Variants in ME2 observed in about 807,000 individuals in gnomAD.
ME2 encodes NAD-dependent malic enzyme, mitochondrial.
In ME2, 60 loss-of-function variants were observed where a neutral mutation model predicts 73.7. The ratio of observed to expected loss-of-function variants is 0.81; its 90% confidence interval spans 0.66 to 1.01. ME2 has a LOEUF of 1.01. Among genes scored for constraint, ME2 ranks in the 50% least tolerant of loss-of-function variants. The probability of loss-of-function intolerance (pLI) is 0.00; values close to 1 mark genes in which losing one functional copy is unlikely to be tolerated. For missense variants in ME2, 594 were observed against 705.5 expected, an observed-to-expected ratio of 0.84 and a Z score of 1.79; for synonymous variants, 199 against 236.9, an observed-to-expected ratio of 0.84 and a Z score of 1.47.
intron 1 of ME2, among the ~76,000 whole-genome samples, chr18:50,887,689 G>A (rs1172464409): frequency 2.0e-5 from 3 of 152,156 alleles, no homozygotes; most frequent in South Asian, 2.1e-4. Context: ...ACTAGTTTTA[G>A]CTTGTAAACT....
At chr18:50,922,311 G>T (rs1302579766) in intron 10 of ME2, among the ~76,000 whole-genome samples, 1 of 152,144 alleles carries the variant, frequency 6.6e-6, no homozygotes, top group South Asian at 2.1e-4. Context: ...TACAAATGAA[G>T]AAACAGTTTA....
chr18:50,912,397 T>C (rs1445256831), intron 3 of ME2, among the ~76,000 whole-genome samples: 1 of 152,146 alleles, frequency 6.6e-6, no homozygotes, highest in East Asian at 1.9e-4. Context: ...GTGCCAGGCA[T>C]ATAGTGTTAA....
chr18:50,898,460 T>C (rs1916806024), intron 2 of ME2, among the ~76,000 whole-genome samples: 1 of 152,170 alleles, frequency 6.6e-6, no homozygotes, highest in Admixed American at 6.5e-5. Context: ...AGACAGGTTC[T>C]CACTCTGTTG....
intron 2 of ME2, among the ~76,000 whole-genome samples, chr18:50,906,709 TA>T (rs1400255413): frequency 6.6e-6 from 1 of 152,214 alleles, no homozygotes; most frequent in African/African-American, 2.4e-5. Flanking sequence ...GACAAAGACT[TA>T]AATGCTTGGA....
At position 50,886,102 on chromosome 18, in the gene ME2, C is replaced by T. The variant is rs188481360; in HGVS notation, c.-13+6794C>T. 3.5e-3 allele frequency among the ~76,000 whole-genome samples: 496 copies of T among 141,526 alleles called. 3 individuals carry two copies. Among genetic ancestry groups the T allele is most frequent in the African/African-American group, 0.011 (446 of 39,018 alleles). 92.8% of individuals were successfully genotyped at this position (141,526 alleles called of 152,430 possible). The stretch of plus-strand genomic sequence containing the variant: ...GAAGACAATTCATAAGTACACAATG[C>T]TGGTTCTATATATATGTGTGTGTGT... On this transcript the variant is annotated intron_variant, in intron 1 of 15. Coordinates refer to ENST00000321341, the MANE Select transcript of ME2 (RefSeq NM_002396.5).
intron 1 of ME2, among the ~76,000 whole-genome samples, chr18:50,886,937 G>A (rs1166502750): frequency 6.6e-6 from 1 of 152,002 alleles, no homozygotes; most frequent in African/African-American, 2.4e-5. Flanking sequence ...GGAGACGGAG[G>A]CTGCAGTGAG....
intron 3 of ME2, among the ~76,000 whole-genome samples, chr18:50,909,938 A>G (rs1011063975): frequency 6.6e-6 from 1 of 152,226 alleles, no homozygotes; most frequent in Non-Finnish European, 1.5e-5. Context: ...CGAAGCTGGA[A>G]TAAACATAAA....
intron 1 of ME2, among the ~76,000 whole-genome samples, chr18:50,889,903 G>C (rs979102604): frequency 1.3e-5 from 2 of 152,060 alleles, no homozygotes; most frequent in African/African-American, 4.8e-5. Flanking sequence ...GTTAGTTTAA[G>C]GTCAAAAAGA....
chr18:50,900,741 G>A (rs951548524), intron 2 of ME2, among the ~76,000 whole-genome samples: 1 of 152,112 alleles, frequency 6.6e-6, no homozygotes, highest in Non-Finnish European at 1.5e-5. Flanking sequence ...CCCCCATGCT[G>A]TTCTTGTGAT....
chr18:50,940,077 A>G, intron 14 of ME2: 4 of 534,400 alleles, frequency 7.5e-6, no homozygotes. Context: ...AATATAAAGC[A>G]GAATATAATC....
intron 1 of ME2, among the ~76,000 whole-genome samples, chr18:50,889,829 A>G (rs1235907797): frequency 6.6e-6 from 1 of 152,202 alleles, no homozygotes; most frequent in Admixed American, 6.5e-5. Context: ...ATATAATTTA[A>G]CATGCCCAAT....
chr18:50,915,907 C>A, intron 4 of ME2: 2 of 280,608 alleles, frequency 7.1e-6, no homozygotes, highest in East Asian at 7.2e-5. Context: ...TTTATTTGAA[C>A]ATGAGATGTG....
chr18:50,883,960 C>T (rs546887778), intron 1 of ME2, among the ~76,000 whole-genome samples: 47 of 152,312 alleles, frequency 3.1e-4, no homozygotes, highest in African/African-American at 1.1e-3. Context: ...TTTTACTTCA[C>T]TCACTCCTAT....
chr18:50,923,762 TA>T (rs1727178341), intron 10 of ME2, among the ~76,000 whole-genome samples: 1 of 152,108 alleles, frequency 6.6e-6, no homozygotes, highest in South Asian at 2.1e-4. Context: ...TTAAATTAAA[TA>T]TGAAAATTTC....
chr18:50,902,663 C>T (rs1393907423), intron 2 of ME2, among the ~76,000 whole-genome samples: 9 of 152,222 alleles, frequency 5.9e-5, no homozygotes, highest in Admixed American at 4.6e-4. Context: ...TCCCAAAGTG[C>T]TGGGATTACA....
At position 50,943,712 on chromosome 18, in the gene ME2, A is replaced by C. The variant is rs77402858; in HGVS notation, c.1588-3305A>C. The stretch of plus-strand genomic sequence containing the variant: ...GGGAATAATAGTTGAGCCTGGGGGA[A>C]CAGGTAGGGAAATGGCATGGAAGAA... On this transcript the variant is annotated intron_variant, in intron 15 of 15. Transcript: ENST00000321341. Among the ~76,000 whole-genome samples the C allele has an allele frequency of 5.4e-3, 823 of 152,284 alleles. 25 individuals are homozygous for C. In the East Asian group the frequency reaches 0.062, roughly 11 times the overall value.
In ME2 at chr18:50,947,077, G is replaced by GC; in HGVS notation, c.1650dup (p.Lys551GlnfsTer4). On this transcript the variant is annotated frameshift_variant, in exon 16 of 16. Transcript: ENST00000321341. LOFTEE classifies it high-confidence loss of function. ...CCGATACCCAGAACCTGAAGACAAG[G>GC]CCAAATATGTTAAAGAAAGAACATG... is the stretch of plus-strand genomic sequence containing the variant. 2 of 1,613,956 alleles carry GC rather than the reference G, an allele frequency of 1.2e-6. No homozygotes were observed. The highest frequency in any genetic ancestry group is 1.7e-6 in the Non-Finnish European group (2 of 1,179,936).
At position 50,952,864 on chromosome 18, in the gene ME2, C is replaced by A. The variant is rs902647809; in HGVS notation, c.*5680C>A. 5.9e-5 allele frequency: 9 copies of A among 152,156 alleles called. No homozygotes were observed. The highest frequency in any genetic ancestry group is 9.7e-5 in the African/African-American group (4 of 41,432). 9.4% of individuals were successfully genotyped at this position (152,156 alleles called of 1,614,324 possible). A position where few individuals can be genotyped will look rare whatever the true frequency, so the allele number is the denominator to read the frequency against. On this transcript the variant is annotated 3_prime_UTR_variant, in exon 16 of 16. Coordinates refer to ENST00000321341, the MANE Select transcript of ME2 (RefSeq NM_002396.5). The stretch of plus-strand genomic sequence containing the variant: ...TACCTACTCTATACCAGACACTGTT[C>A]TAAGGATCCGACATATTTAATCCTC...
At chr18:50,882,678 T>C (rs1916351996) in intron 1 of ME2, among the ~76,000 whole-genome samples, 1 of 152,092 alleles carries the variant, frequency 6.6e-6, no homozygotes, top group Admixed American at 6.6e-5. Flanking sequence ...GTCAGGCACA[T>C]TGGTTCATGT....
Sources: gnomAD v4.1 joint callset for allele counts (sites outside exome capture counted in the v4.1 genomes callset) on GRCh38, gnomAD v4.1.1 for gene constraint, MANE v1.5 for transcripts, NCBI Gene and HGNC (gene_info 2026-07-23, HGNC 2026-07-21) for gene names.